The following SNTB1 variants were observed in gnomAD, a reference collection of about 807,000 sequenced individuals.
SNTB1 encodes the protein syntrophin beta 1, also known as beta-1-syntrophin.
In SNTB1, 36 loss-of-function variants were observed where a neutral mutation model predicts 48.9. That is an observed-to-expected ratio of 0.74 (90% CI 0.56 to 0.97). The LOEUF (loss-of-function observed/expected upper bound fraction) is 0.97. SNTB1 is among the 50% of genes least tolerant of loss of function. The probability of loss-of-function intolerance (pLI) is 0.00; values close to 1 mark genes in which losing one functional copy is unlikely to be tolerated. For missense variants in SNTB1, 786 were observed against 703.4 expected (o/e 1.12, Z -1.33); for synonymous variants, 299 against 294.6 (o/e 1.01, Z -0.15).
chr8:120,803,396 A>G (rs949431920), intron 1 of SNTB1, among the ~76,000 whole-genome samples: 9 of 152,210 alleles, frequency 5.9e-5, no homozygotes, highest in African/African-American at 2.2e-4. Flanking sequence ...AAAGGCAAGC[A>G]TCATTATAGG....
At chr8:120,729,815 C>T (rs1325174837) in intron 1 of SNTB1, among the ~76,000 whole-genome samples, 1 of 152,174 alleles carries the variant, frequency 6.6e-6, no homozygotes, top group Non-Finnish European at 1.5e-5. Flanking sequence ...CACTGAAAAA[C>T]ATGCCAAAAG....
chr8:120,694,340 T>C (rs768461142), intron 1 of SNTB1, among the ~76,000 whole-genome samples: 4 of 152,138 alleles, frequency 2.6e-5, no homozygotes, highest in Non-Finnish European at 4.4e-5. Context: ...GAAACAATCA[T>C]AGGGTTTTCA....
chr8:120,751,224 G>T (rs1352496493), intron 1 of SNTB1, among the ~76,000 whole-genome samples: 1 of 152,092 alleles, frequency 6.6e-6, no homozygotes, highest in Non-Finnish European at 1.5e-5. Context: ...AATGTGAAAA[G>T]ACAAACTGAA....
At chr8:120,571,388 C>A (rs982708327) in intron 4 of SNTB1, 5 of 1,268,028 alleles carry the variant, frequency 3.9e-6, no homozygotes, top group Non-Finnish European at 5.1e-6. Context: ...GTACAGAAAG[C>A]AATAGCGATT....
chr8:120,752,551 T>C (rs1393429576), intron 1 of SNTB1, among the ~76,000 whole-genome samples: 5 of 152,040 alleles, frequency 3.3e-5, no homozygotes, highest in Non-Finnish European at 5.9e-5. Flanking sequence ...TAGAAACTCA[T>C]CAATGGAAAA....
intron 3 of SNTB1, among the ~76,000 whole-genome samples, chr8:120,599,806 C>A (rs1001440930): frequency 6.6e-6 from 1 of 152,162 alleles, no homozygotes; most frequent in Non-Finnish European, 1.5e-5. Context: ...TTGCAAAAGT[C>A]ATAGCTATTC....
intron 1 of SNTB1, among the ~76,000 whole-genome samples, chr8:120,810,922 C>T (rs1010711505): frequency 1.3e-5 from 2 of 152,098 alleles, no homozygotes; most frequent in African/African-American, 2.4e-5. Context: ...TTCCATATCC[C>T]AGTCCCTACA....
chr8:120,687,668 C>A (rs1026416851), intron 2 of SNTB1, among the ~76,000 whole-genome samples: 1 of 152,178 alleles, frequency 6.6e-6, no homozygotes, highest in Non-Finnish European at 1.5e-5. Context: ...GAGTGCATCA[C>A]TATTCTTTGA....
chr8:120,751,472 T>C (rs1325675973), intron 1 of SNTB1, among the ~76,000 whole-genome samples: 5 of 147,102 alleles, frequency 3.4e-5, no homozygotes, highest in African/African-American at 7.9e-5. Flanking sequence ...TCTTAAAGGA[T>C]ACTTTTTTTT....
At chr8:120,615,878 G>A (rs145781758) in intron 3 of SNTB1, among the ~76,000 whole-genome samples, 1 of 151,664 alleles carries the variant, frequency 6.6e-6, no homozygotes, top group African/African-American at 2.4e-5. Flanking sequence ...TTAACTGGAT[G>A]TAGCTCTTTA....
At chr8:120,555,939 T>C (rs908775555) in intron 4 of SNTB1, among the ~76,000 whole-genome samples, 2 of 152,072 alleles carry the variant, frequency 1.3e-5, no homozygotes, top group Non-Finnish European at 2.9e-5. Context: ...CAGAAATCAA[T>C]CCTGACAGCA....
chr8:120,588,875 T>C (rs1431914712), intron 3 of SNTB1, among the ~76,000 whole-genome samples: 1 of 152,222 alleles, frequency 6.6e-6, no homozygotes, highest in Non-Finnish European at 1.5e-5. Flanking sequence ...TGTGGGTGTC[T>C]CCCAGAAATC....
intron 1 of SNTB1, among the ~76,000 whole-genome samples, chr8:120,694,707 A>G (rs541709866): frequency 2.7e-4 from 41 of 152,090 alleles, no homozygotes; most frequent in Non-Finnish European, 5.4e-4. Flanking sequence ...TTGTATATAA[A>G]TTCATAAATA....
In SNTB1 at chr8:120,732,342, A is replaced by G. The variant is rs58181448; in HGVS notation, c.572-38434T>C. On this transcript the variant is annotated intron_variant, in intron 1 of 6. Coordinates refer to ENST00000517992, the MANE Select transcript of SNTB1 (RefSeq NM_021021.4). ...CAAAATAATGTTAGCTGTGCCTACC[A>G]GAGCTCATGCTTTAAAGTAGACTTT... Among the ~76,000 whole-genome samples the G allele has an allele frequency of 5.9e-3, 905 of 152,334 alleles. 8 individuals carry two copies. Among genetic ancestry groups the G allele is most frequent in the Middle Eastern group, 0.031 (9 of 294 alleles).
intron 1 of SNTB1, among the ~76,000 whole-genome samples, chr8:120,795,993 C>G (rs1365290791): frequency 6.6e-6 from 1 of 151,956 alleles, no homozygotes; most frequent in Non-Finnish European, 1.5e-5. Context: ...GAATCTGTGC[C>G]GCCGCCTAAA....
At chr8:120,581,102 A>AAAAG (rs1816042217) in intron 3 of SNTB1, among the ~76,000 whole-genome samples, 1 of 123,872 alleles carries the variant, frequency 8.1e-6, no homozygotes, top group African/African-American at 3.0e-5. Context: ...AAAAAAAAAA[A>AAAAG]AAAAAGAGAA....
chr8:120,576,799 T>C (rs916801286), intron 3 of SNTB1, among the ~76,000 whole-genome samples: 3 of 152,122 alleles, frequency 2.0e-5, no homozygotes, highest in Non-Finnish European at 2.9e-5. Context: ...CAGAGGGTGG[T>C]TGTGAAGATT....
intron 2 of SNTB1, among the ~76,000 whole-genome samples, chr8:120,682,726 G>T (rs1363339031): frequency 6.6e-6 from 1 of 151,940 alleles, no homozygotes; most frequent in South Asian, 2.1e-4. Context: ...GTAGATAGAC[G>T]ATAGATAGAT....
At chr8:120,787,839 G>A (rs1819948712) in intron 1 of SNTB1, among the ~76,000 whole-genome samples, 1 of 152,140 alleles carries the variant, frequency 6.6e-6, no homozygotes. Flanking sequence ...CCCTGGCCTT[G>A]CTAGAGATTT....
Sources: allele counts gnomAD v4.1 joint callset (sites outside exome capture counted in the v4.1 genomes callset), GRCh38; gene constraint gnomAD v4.1.1; transcripts MANE v1.5; gene names NCBI Gene and HGNC (gene_info 2026-07-23, HGNC 2026-07-21).